Variants in APC observed in about 807,000 individuals in gnomAD.
The protein encoded by APC is APC regulator of Wnt signaling pathway.
APC carries 72 observed loss-of-function variants against 247.0 expected under a neutral mutation model. That is an observed-to-expected ratio of 0.29 (90% CI 0.24 to 0.35). The LOEUF (loss-of-function observed/expected upper bound fraction) is 0.35, where lower values mean the gene tolerates loss of function less well. Among genes scored for constraint, APC ranks in the 10% least tolerant of loss-of-function variants. The probability of loss-of-function intolerance (pLI) is 1.00; values close to 1 mark genes in which losing one functional copy is unlikely to be tolerated. For synonymous variants in APC, 1,254 were observed against 1,162.5 expected (o/e 1.08, Z -1.60); for missense variants, 3,400 against 3,360.7 (o/e 1.01, Z -0.29).
rs1554088693 is a variant in APC at position 112,843,432 on chromosome 5, G to A, written c.7838G>A (p.Arg2613Lys). 3.7e-6 allele frequency: 6 copies of A among 1,613,494 alleles called. No individual in the cohort carries two copies. Among genetic ancestry groups the A allele is most frequent in the Non-Finnish European group, 4.2e-6 (5 of 1,179,576 alleles). ...CAAGTATCCGCAAAAGGAACATGGA[G>A]AAAAATAAAAGAAAATGAATTTTCT... The part of the protein sequence containing the change: ...ENQVSAKGTW[R>K]KIKENEFSPT... Residue 2613 changes from arginine to lysine, a missense_variant, in exon 16 of 16, where the codon AGA (arginine) becomes AAA (lysine). By Grantham distance (26) the Arg-to-Lys change is conservative (BLOSUM62 2). Coordinates refer to ENST00000257430, the MANE Select transcript of APC (RefSeq NM_000038.6). The surrounding 1 kb of genome is among the most constrained non-coding windows in gnomAD (Gnocchi z 4.8).
chr5:112,819,635 C>T (rs989449753), intron 10 of APC, among the ~76,000 whole-genome samples: 1 of 152,134 alleles, frequency 6.6e-6, no homozygotes, highest in African/African-American at 2.4e-5. Context: ...AATTATGTTG[C>T]CCATCTTTCA....
chr5:112,731,212 G>A (rs1219674295), intron 1 of APC, among the ~76,000 whole-genome samples: 1 of 152,092 alleles, frequency 6.6e-6, no homozygotes, highest in Non-Finnish European at 1.5e-5. Flanking sequence ...AATCTTTGTA[G>A]GGGTATCTGT....
intron 7 of APC, among the ~76,000 whole-genome samples, chr5:112,798,156 G>C (rs1167920876): frequency 6.6e-6 from 1 of 152,164 alleles, no homozygotes; most frequent in Non-Finnish European, 1.5e-5. Flanking sequence ...TTTCATAATA[G>C]CCTCAAAGGA....
Position 112,758,430 on chromosome 5 carries a change from G to T in APC, c.135+3405G>T, listed in dbSNP as rs146748693. Reference sequence around the variant, plus strand: ...CAGCCTCCGCCTCCCGGGTTCAAGCGGTTCTCCTGCCTCAGCTTCCCAAGT... The same window carrying T: ...CAGCCTCCGCCTCCCGGGTTCAAGCTGTTCTCCTGCCTCAGCTTCCCAAGT... On this transcript the variant is annotated intron_variant, in intron 2 of 15. Transcript: ENST00000257430. 3.3e-5 allele frequency among the ~76,000 whole-genome samples: 5 copies of T among 152,078 alleles called. No individual in the cohort carries two copies. The South Asian group carries it at 1.0e-3, about 31-fold the overall frequency.
At chr5:112,713,224 C>T (rs1274180622) in intron 1 of APC, among the ~76,000 whole-genome samples, 1 of 150,996 alleles carries the variant, frequency 6.6e-6, no homozygotes. Context: ...ATGGAGTATT[C>T]CATGGTTAGT....
intron 1 of APC, among the ~76,000 whole-genome samples, chr5:112,745,177 T>C (rs970334336): frequency 9.8e-5 from 15 of 152,324 alleles, no homozygotes; most frequent in African/African-American, 3.6e-4. Context: ...ACATTTTTAG[T>C]AAAATTTTTA....
At chr5:112,814,795 T>C (rs1171822382) in intron 8 of APC, among the ~76,000 whole-genome samples, 1 of 152,196 alleles carries the variant, frequency 6.6e-6, no homozygotes, top group African/African-American at 2.4e-5. Flanking sequence ...TCTCTAACCA[T>C]ACACCTTGTG....
intron 8 of APC, among the ~76,000 whole-genome samples, chr5:112,808,945 G>C (rs1217356290): frequency 6.6e-6 from 1 of 152,168 alleles, no homozygotes; most frequent in Non-Finnish European, 1.5e-5. Context: ...GAAGGGTAGT[G>C]ATGCAATTTA....
intron 9 of APC, 123 bp downstream of exon 9, chr5:112,815,716 A>C (rs780066087): frequency 2.9e-6 from 2 of 681,168 alleles, no homozygotes; most frequent in Non-Finnish European, 5.1e-6. Flanking sequence ...CAGGTGGATC[A>C]CTTGAGGCCA....
intron 2 of APC, among the ~76,000 whole-genome samples, chr5:112,762,497 A>G (rs1156949675): frequency 6.6e-6 from 1 of 152,230 alleles, no homozygotes; most frequent in African/African-American, 2.4e-5. Flanking sequence ...GTGGACTGCT[A>G]CATACTATAC....
intron 1 of APC, among the ~76,000 whole-genome samples, chr5:112,747,352 A>T (rs962138521): frequency 1.1e-4 from 17 of 152,236 alleles, no homozygotes; most frequent in Non-Finnish European, 2.1e-4. Flanking sequence ...ATATAGTTAC[A>T]GTTCTAAGTA....
intron 14 of APC, among the ~76,000 whole-genome samples, chr5:112,831,648 A>C (rs1444500953): frequency 6.6e-6 from 1 of 151,814 alleles, no homozygotes; most frequent in African/African-American, 2.4e-5. Context: ...ACTTTAACTC[A>C]CTCAGAGCTC....
chr5:112,767,414 C>G (rs2149790283), intron 4 of APC, 24 bp downstream of exon 4: 2 of 1,559,750 alleles, frequency 1.3e-6, no homozygotes, highest in Non-Finnish European at 1.8e-6. Context: ...ATATAGTAAA[C>G]ATTGCCTTGT....
At chr5:112,750,594 G>A (rs1232035684) in intron 1 of APC, among the ~76,000 whole-genome samples, 2 of 151,560 alleles carry the variant, frequency 1.3e-5, no homozygotes, top group African/African-American at 4.9e-5. Flanking sequence ...TTATTTTAAC[G>A]TAGTTGTGCT....
At position 112,780,205 on chromosome 5, in the gene APC, A is replaced by G. The variant is rs577592613; in HGVS notation, c.532-585A>G. 3.9e-5 allele frequency among the ~76,000 whole-genome samples: 6 copies of G among 152,242 alleles called. No homozygotes were observed. The East Asian group carries it at 1.2e-3, about 29-fold the overall frequency. ...CCTCTTTTTGTTTCAACTTTGCTTT[A>G]CTTTTGAATTTTTACCAAAGTCTGT... On this transcript the variant is annotated intron_variant, in intron 5 of 15. Coordinates refer to ENST00000257430, the MANE Select transcript of APC (RefSeq NM_000038.6).
At chr5:112,808,488 C>T (rs189079161) in intron 8 of APC, among the ~76,000 whole-genome samples, 117 of 152,130 alleles carry the variant, frequency 7.7e-4, no homozygotes, top group Admixed American at 1.6e-3. Flanking sequence ...CAGGATCTCA[C>T]TCTCGCCTGG....
chr5:112,837,792 G>T lies in APC; in HGVS notation c.2198G>T (p.Arg733Met), dbSNP rs1180331455. The T allele has an allele frequency of 6.2e-7, 1 of 1,613,906 alleles. No homozygotes were observed. The highest frequency in any genetic ancestry group is 8.5e-7 in the Non-Finnish European group (1 of 1,180,028). Residue 733 changes from arginine (R) to methionine (M), a missense_variant, in exon 16 of 16, where the codon AGG becomes ATG. Physicochemically the swap from Arg to Met is moderately conservative, Grantham distance 91 (BLOSUM62 -1). Transcript: ENST00000257430. Reference sequence around the variant, plus strand: ...GCTTTAAGGAATCTCATGGCAAATAGGCCTGCGAAGTACAAGGATGCCAAT... The same window carrying T: ...GCTTTAAGGAATCTCATGGCAAATATGCCTGCGAAGTACAAGGATGCCAAT... Reference protein sequence around the residue: ...AAALRNLMANRPAKYKDANIM... With the variant: ...AAALRNLMANMPAKYKDANIM...
rs111543666 is a variant in APC at position 112,836,453 on chromosome 5, TAAGAG to T, written c.1959-1095_1959-1091del. Among the ~76,000 whole-genome samples the T allele has an allele frequency of 2.5e-3, 380 of 152,310 alleles. 5 individuals carry two copies. The highest frequency in any genetic ancestry group is 8.9e-3 in the African/African-American group (368 of 41,578). ...TTAAGTCCAGTAACTACTGGACTGC[TAAGAG>T]AAGACGACCATGTTAAAGCTCATTA... On this transcript the variant is annotated intron_variant, in intron 15 of 15. Transcript: ENST00000257430.
At chr5:112,750,414 TG>T (rs1224385797) in intron 1 of APC, among the ~76,000 whole-genome samples, 2 of 152,208 alleles carry the variant, frequency 1.3e-5, no homozygotes, top group Non-Finnish European at 1.5e-5. Context: ...TTATTTTTAC[TG>T]GAAGAGGAGG....
Sources: gnomAD v4.1 joint callset for allele counts (sites outside exome capture counted in the v4.1 genomes callset) on GRCh38, gnomAD v4.1.1 for gene constraint, Gnocchi (gnomAD v3.1) non-coding constraint, MANE v1.5 for transcripts, NCBI Gene and HGNC (gene_info 2026-07-23, HGNC 2026-07-21) for gene names.